RYR3: variants seen among roughly 807,000 people sequenced by gnomAD.
RYR3 encodes the protein brain ryanodine receptor-calcium release channel.
Under a neutral mutation model 584.3 loss-of-function variants are expected in RYR3, and 207 were observed. That is an observed-to-expected ratio of 0.35 (90% CI 0.32 to 0.40). The LOEUF (loss-of-function observed/expected upper bound fraction) is 0.40, where lower values mean the gene tolerates loss of function less well. RYR3 is among the 10% of genes least tolerant of loss of function. RYR3 has a pLI of 1.00. For missense variants in RYR3, 5,616 were observed against 6,089.2 expected (o/e 0.92, Z 2.59); for synonymous variants, 2,416 against 2,248.5 (o/e 1.07, Z -2.11).
chr15:33,811,187 C>CT, intron 72 of RYR3, 150 bp downstream of exon 72: 1 of 689,404 alleles, frequency 1.5e-6, no homozygotes. Flanking sequence ...CTAGCTCTCT[C>CT]TTTTTTAAAT....
At chr15:33,607,467 G>A (rs1049504360) in intron 18 of RYR3, among the ~76,000 whole-genome samples, 7 of 152,136 alleles carry the variant, frequency 4.6e-5, no homozygotes, top group African/African-American at 1.7e-4. Flanking sequence ...TGCAGTGGAT[G>A]GTCTCTAGAG....
In RYR3 at chr15:33,385,893, T is replaced by A. The variant is rs59655175; in HGVS notation, c.51+74797T>A. Among the ~76,000 whole-genome samples the A allele has an allele frequency of 3.0e-3, 461 of 152,002 alleles. 8 individuals carry two copies. In the East Asian group the frequency reaches 0.056, roughly 19 times the overall value. On this transcript the variant is annotated intron_variant, in intron 1 of 103. Transcript: ENST00000634891. ...TAATTTTTTTAAGTGTTGGTAGAAA[T>A]GAGGTCTCACTATGTTACCTAGGCT...
intron 17 of RYR3, among the ~76,000 whole-genome samples, 179 bp from the exon 18 acceptor site, chr15:33,602,944 C>G (rs1406421634): frequency 6.6e-6 from 1 of 151,880 alleles, no homozygotes; most frequent in Non-Finnish European, 1.5e-5. Context: ...TCTTTGTTAC[C>G]CAGGCTGATC....
chr15:33,697,794 C>T (rs1377067013), intron 39 of RYR3, 88 bp from the exon 40 acceptor site: 7 of 782,652 alleles, frequency 8.9e-6, no homozygotes, highest in African/African-American at 3.4e-5. Context: ...TTATTTTGCC[C>T]TCTCGTGTGT....
At chr15:33,558,638 C>G (rs1292987662) in intron 10 of RYR3, among the ~76,000 whole-genome samples, 1 of 152,142 alleles carries the variant, frequency 6.6e-6, no homozygotes, top group Non-Finnish European at 1.5e-5. Flanking sequence ...CCTCAGGGAT[C>G]TAGAACTAGA....
At chr15:33,810,680 G>A in intron 71 of RYR3, 31 bp downstream of exon 71, 2 of 1,613,474 alleles carry the variant, frequency 1.2e-6, no homozygotes, top group Non-Finnish European at 1.7e-6. Flanking sequence ...GGCTGAGTGT[G>A]TGATCCACAT....
Position 33,750,199 on chromosome 15 carries a change from C to T in RYR3, c.8312C>T (p.Thr2771Ile), listed in dbSNP as rs766224196. The part of the protein sequence containing the change: ...GSHPLLVPYD[T>I]LTAKEKFKDR... ...CACCCTCTTCTGGTACCATATGACACCTTGACTGCCAAGGAAAAGTTCAAG... is the reference window on the plus strand; with the variant it reads ...CACCCTCTTCTGGTACCATATGACATCTTGACTGCCAAGGAAAAGTTCAAG... Residue 2771 changes from threonine (T) to isoleucine (I), a missense_variant, in exon 57 of 104, where the codon ACC becomes ATC. Thr to Ile is a moderately conservative substitution (Grantham distance 89). This residue lies in a region of RYR3 where 1,280 missense variants were observed against 1,426.2 expected (regional missense o/e 0.90). Coordinates refer to ENST00000634891, the MANE Select transcript of RYR3 (RefSeq NM_001036.6). The T allele has an allele frequency of 3.7e-6, 6 of 1,609,246 alleles. No individual in the cohort carries two copies. In the Admixed American group the frequency reaches 1.0e-4, roughly 27 times the overall value.
intron 27 of RYR3, among the ~76,000 whole-genome samples, chr15:33,638,160 A>G (rs911852119): frequency 6.6e-6 from 1 of 152,230 alleles, no homozygotes; most frequent in Non-Finnish European, 1.5e-5. Context: ...TCAAAATTTT[A>G]AAGAAATAAC....
intron 3 of RYR3, among the ~76,000 whole-genome samples, chr15:33,518,351 T>C (rs1448169951): frequency 1.3e-5 from 2 of 152,216 alleles, no homozygotes; most frequent in South Asian, 2.1e-4. Context: ...TTATTTTTTT[T>C]CTTCACTGGA....
intron 12 of RYR3, among the ~76,000 whole-genome samples, chr15:33,570,803 C>T (rs956089768): frequency 2.0e-5 from 3 of 147,398 alleles, no homozygotes; most frequent in African/African-American, 7.4e-5. Flanking sequence ...AAATGTATTC[C>T]TATGTATTTG....
chr15:33,348,833 C>T (rs545299597), intron 1 of RYR3, among the ~76,000 whole-genome samples: 20 of 152,128 alleles, frequency 1.3e-4, no homozygotes, highest in Middle Eastern at 3.4e-3. Flanking sequence ...TGAAGTTTGG[C>T]GAGTTTTGCC....
chr15:33,763,117 T>A (rs1247042652), intron 60 of RYR3, among the ~76,000 whole-genome samples: 1 of 152,036 alleles, frequency 6.6e-6, no homozygotes, highest in African/African-American at 2.4e-5. Flanking sequence ...AGAAATTAGC[T>A]CAAGATGGAT....
At chr15:33,434,109 A>G (rs2045449040) in intron 1 of RYR3, among the ~76,000 whole-genome samples, 1 of 152,202 alleles carries the variant, frequency 6.6e-6, no homozygotes, top group African/African-American at 2.4e-5. Context: ...TTTGTAGGTA[A>G]CAGCACACTG....
intron 60 of RYR3, among the ~76,000 whole-genome samples, chr15:33,759,918 G>A (rs1032877236): frequency 2.1e-5 from 3 of 141,700 alleles, no homozygotes; most frequent in Non-Finnish European, 4.4e-5. Context: ...ACAAAGGGAA[G>A]CCCATCAGAC....
At chr15:33,645,389 G>A (rs1372474589) in intron 28 of RYR3, among the ~76,000 whole-genome samples, 1 of 152,160 alleles carries the variant, frequency 6.6e-6, no homozygotes, top group Non-Finnish European at 1.5e-5. Context: ...GTTAGATTCA[G>A]TGGTTTGCTT....
At chr15:33,822,063 C>G (rs917390985) in intron 80 of RYR3, among the ~76,000 whole-genome samples, 3 of 145,498 alleles carry the variant, frequency 2.1e-5, no homozygotes, top group Non-Finnish European at 4.6e-5. Flanking sequence ...GATGACCATG[C>G]CAGGCTCTGC....
intron 16 of RYR3, among the ~76,000 whole-genome samples, chr15:33,598,269 G>T (rs552537995): frequency 9.1e-6 from 1 of 109,682 alleles, no homozygotes; most frequent in South Asian, 2.7e-4. Flanking sequence ...AAAAGACAAG[G>T]CCTTAGGAGA....
In RYR3 at chr15:33,835,045, T is replaced by C; in HGVS notation, c.11541T>C (p.Phe3847=). 6.2e-7 allele frequency: 1 copy of C among 1,613,868 alleles called. No individual in the cohort carries two copies. Among genetic ancestry groups the C allele is most frequent in the Non-Finnish European group, 8.5e-7 (1 of 1,179,820 alleles). ...WDAVVGFLHV[F]ANMQMKLSQD... ...CAGTGGTTGGCTTCCTCCATGTCTTTGCTAATATGCAGATGAAACTCTCTC... is the reference window on the plus strand; with the variant it reads ...CAGTGGTTGGCTTCCTCCATGTCTTCGCTAATATGCAGATGAAACTCTCTC... Residue 3847 remains phenylalanine (F), a synonymous_variant, in exon 87 of 104, where the codon TTT becomes TTC. Coordinates refer to ENST00000634891, the MANE Select transcript of RYR3 (RefSeq NM_001036.6).
chr15:33,694,397 A>C (rs1174254192), intron 38 of RYR3, among the ~76,000 whole-genome samples: 1 of 128,684 alleles, frequency 7.8e-6, no homozygotes, highest in African/African-American at 2.5e-5. Context: ...GGCGCCCTCC[A>C]TCACGCCCGG....
Sources: allele counts gnomAD v4.1 joint callset (sites outside exome capture counted in the v4.1 genomes callset), GRCh38; gene constraint gnomAD v4.1.1; regional missense constraint gnomAD v4.1.1; transcripts MANE v1.5; gene names NCBI Gene and HGNC (gene_info 2026-07-23, HGNC 2026-07-21).